PDCD1: variants seen among roughly 807,000 people sequenced by gnomAD.
PDCD1 encodes the protein programmed cell death protein 1.
In PDCD1, 10 loss-of-function variants were observed where a neutral mutation model predicts 23.6. The observed-to-expected ratio is 0.42, with a 90% CI of 0.26 to 0.72. PDCD1 has a LOEUF of 0.72. Among genes scored for constraint, PDCD1 ranks in the 30% least tolerant of loss-of-function variants. PDCD1 has a pLI of 0.24. For synonymous variants in PDCD1, 168 were observed against 169.3 expected (o/e 0.99, Z 0.06); for missense variants, 313 against 397.8 (o/e 0.79, Z 1.81).
intron 4 of PDCD1, 66 bp downstream of exon 4, chr2:241,851,883 C>T: frequency 6.7e-7 from 1 of 1,485,284 alleles, no homozygotes; most frequent in Non-Finnish European, 9.4e-7. Context: ...CCCAGCCTGT[C>T]CTTCCACCTC....
At chr2:241,855,703 C>T (rs1376618929) in intron 1 of PDCD1, among the ~76,000 whole-genome samples, 3 of 152,208 alleles carry the variant, frequency 2.0e-5, no homozygotes, top group African/African-American at 7.2e-5. Context: ...GCGGAGGAAC[C>T]TGCTGGCCCA....
chr2:241,851,841 TA>T, intron 4 of PDCD1, 107 bp downstream of exon 4: 1 of 1,099,712 alleles, frequency 9.1e-7, no homozygotes, highest in Non-Finnish European at 1.4e-6. Flanking sequence ...GTCCTGGCTA[TA>T]ATAGAATGTG....
In PDCD1 at chr2:241,852,866, A is replaced by C. The variant is rs142434414; in HGVS notation, c.191T>G (p.Val64Gly). 1 of 1,605,334 alleles carries C rather than the reference A, an allele frequency of 6.2e-7. No homozygotes were observed. Among genetic ancestry groups the C allele is most frequent in the African/African-American group, 1.3e-5 (1 of 74,896 alleles). ...CSFSNTSESFVLNWYRMSPSN... is the reference protein window; with the variant it reads ...CSFSNTSESFGLNWYRMSPSN... ...GGGGCTCATGCGGTACCAGTTTAGCACGAAGCTCTCCGATGTGTTGGAGAA... is the reference window on the plus strand; with the variant it reads ...GGGGCTCATGCGGTACCAGTTTAGCCCGAAGCTCTCCGATGTGTTGGAGAA... Residue 64 changes from valine to glycine, a missense_variant, in exon 2 of 5, where the codon GTG becomes GGG. By Grantham distance (109) the Val-to-Gly change is moderately radical. Transcript: ENST00000334409.
In PDCD1 at chr2:241,850,047, G is replaced by A. The variant is rs575792546; in HGVS notation, c.*1011C>T. 7 of 228,484 alleles carry A rather than the reference G, an allele frequency of 3.1e-5. No individual in the cohort carries two copies. The highest frequency in any genetic ancestry group is 1.7e-4 in the Admixed American group (3 of 17,618). 14.2% of individuals were successfully genotyped at this position (228,484 alleles called of 1,614,324 possible). On this transcript the variant is annotated 3_prime_UTR_variant, in exon 5 of 5. Coordinates refer to ENST00000334409, the MANE Select transcript of PDCD1 (RefSeq NM_005018.3). ...TGGATGTGAGGAGTGGATAGGCCAC[G>A]GCGGGGGTACTAGGCCCCGGGGGAA...
At position 241,852,250 on chromosome 2, in the gene PDCD1, G is replaced by T; in HGVS notation, c.540C>A (p.Ser180Arg). The change falls in exon 3 of 5, where the codon AGC becomes AGA. Residue 180 changes from serine to arginine, a missense_variant. Ser to Arg is a moderately radical substitution (Grantham distance 110). Transcript: ENST00000334409. Reference protein sequence around the residue: ...VVGVVGGLLGSLVLLVWVLAV... With the variant: ...VVGVVGGLLGRLVLLVWVLAV... ...CCAGGACCCAGACTAGCAGCACCAG[G>T]CTGCCCAGCAGGCCGCCCACGACAC... 1 of 1,611,306 alleles carries T rather than the reference G, an allele frequency of 6.2e-7. No homozygotes were observed. Among genetic ancestry groups the T allele is most frequent in the East Asian group, 2.2e-5 (1 of 44,810 alleles).
At chr2:241,854,912 G>A (rs1021114467) in intron 1 of PDCD1, among the ~76,000 whole-genome samples, 10 of 152,206 alleles carry the variant, frequency 6.6e-5, no homozygotes, top group African/African-American at 1.7e-4. Context: ...TGGCCGCTGT[G>A]TGTCCACACC....
chr2:241,850,722 AG>A lies in PDCD1; in HGVS notation c.*335del. 3 of 585,882 alleles carry A rather than the reference AG, an allele frequency of 5.1e-6. No individual in the cohort carries two copies. Among genetic ancestry groups the A allele is most frequent in the South Asian group, 1.6e-5 (1 of 63,472 alleles). The allele number at this position is 585,882 out of a possible 1,614,324, so 36.3% of individuals were successfully genotyped here. ...CACGGCGCCTTCAGCCCCGGGCCGC[AG>A]GCAGCAGCAGCAGCAGCAGCAGCAG... is the stretch of plus-strand genomic sequence containing the variant. On this transcript the variant is annotated 3_prime_UTR_variant, in exon 5 of 5. Coordinates refer to ENST00000334409, the MANE Select transcript of PDCD1 (RefSeq NM_005018.3).
chr2:241,854,961 C>T (rs2124865731), intron 1 of PDCD1, among the ~76,000 whole-genome samples: 1 of 152,346 alleles, frequency 6.6e-6, no homozygotes, highest in Non-Finnish European at 1.5e-5. Flanking sequence ...GTTCTTGTAA[C>T]TGGAAACTTA....
rs925595881 is a variant in PDCD1, at chr2:241,857,658, G to T, written c.76+1105C>A. On this transcript the variant is annotated intron_variant, in intron 1 of 4. Transcript: ENST00000334409. ...TAAGAGGTGGCGCTGAGGCAGGAAG[G>T]CACGGCCCTGACAAGGATGCTGCCT... is the stretch of plus-strand genomic sequence containing the variant. 2.0e-5 allele frequency among the ~76,000 whole-genome samples: 3 copies of T among 152,338 alleles called. No homozygotes were observed. The South Asian group carries it at 6.2e-4, about 32-fold the overall frequency.
At position 241,858,751 on chromosome 2, in the gene PDCD1, G is replaced by A. The variant is rs750507385; in HGVS notation, c.76+12C>T. ...CCTGGCTCTGGGACACCTGACCGCC[G>A]ACCCCACCTACCTAAGAACCATCCT... On this transcript the variant is annotated intron_variant, in intron 1 of 4. Coordinates refer to ENST00000334409, the MANE Select transcript of PDCD1 (RefSeq NM_005018.3). 7.0e-6 allele frequency: 11 copies of A among 1,580,714 alleles called. No homozygotes were observed. Among genetic ancestry groups the A allele is most frequent in the Admixed American group, 1.8e-5 (1 of 55,216 alleles).
chr2:241,858,697 G>C, intron 1 of PDCD1, 66 bp downstream of exon 1: 1 of 1,391,614 alleles, frequency 7.2e-7, no homozygotes, highest in Non-Finnish European at 1.0e-6. Context: ...GACCTGCCAG[G>C]GACTGAGGGT....
At chr2:241,854,670 A>G (rs1700975227) in intron 1 of PDCD1, among the ~76,000 whole-genome samples, 3 of 152,164 alleles carry the variant, frequency 2.0e-5, no homozygotes, top group Middle Eastern at 3.4e-3. Flanking sequence ...GAGCAGGGGA[A>G]ATGCCCTGCC....
Position 241,852,790 on chromosome 2 carries a change from G to C in PDCD1, c.267C>G (p.Pro89=), listed in dbSNP as rs769576749. ...LAAFPEDRSQ[P]GQDCRFRVTQ... The stretch of plus-strand genomic sequence containing the variant: ...TGACACGGAAGCGGCAGTCCTGGCC[G>C]GGCTGGCTGCGGTCCTCGGGGAAGG... Residue 89 remains proline (P), a synonymous_variant, in exon 2 of 5, where the codon CCC becomes CCG. Coordinates refer to ENST00000334409, the MANE Select transcript of PDCD1 (RefSeq NM_005018.3). 3.7e-6 allele frequency: 6 copies of C among 1,613,780 alleles called. No homozygotes were observed. The highest frequency in any genetic ancestry group is 3.4e-6 in the Non-Finnish European group (4 of 1,180,004).
chr2:241,851,166 A>G lies in PDCD1; in HGVS notation c.759T>C (p.Phe253=), dbSNP rs933937651. 1 of 1,613,332 alleles carries G rather than the reference A, an allele frequency of 6.2e-7. No homozygotes were observed. Among genetic ancestry groups the G allele is most frequent in the Non-Finnish European group, 8.5e-7 (1 of 1,179,938 alleles). ...PEQTEYATIV[F]PSGMGTSSPA... ...GGGATGAGGTGCCCATTCCGCTAGG[A>G]AAGACAATGGTGGCATACTCCGTCT... Residue 253 remains phenylalanine, a synonymous_variant, in exon 5 of 5, where the codon TTT becomes TTC. Coordinates refer to ENST00000334409, the MANE Select transcript of PDCD1 (RefSeq NM_005018.3).
Position 241,851,263 on chromosome 2 carries a change from A to G in PDCD1, c.662T>C (p.Val221Ala), listed in dbSNP as rs747849996. 1.2e-6 allele frequency: 2 copies of G among 1,613,544 alleles called. No individual in the cohort carries two copies. Among genetic ancestry groups the G allele is most frequent in the African/African-American group, 1.3e-5 (1 of 74,916 alleles). ...EDPSAVPVFSVDYGELDFQWR... is the reference protein window; with the variant it reads ...EDPSAVPVFSADYGELDFQWR... ...CTGGAAATCCAGCTCCCCATAGTCC[A>G]CAGAGAACACAGGCACGGCTGAGGG... is the stretch of plus-strand genomic sequence containing the variant. The change falls in exon 5 of 5, where the codon GTG (valine) becomes GCG (alanine). Residue 221 changes from valine (V) to alanine (A), a missense_variant. Around this residue, in one of 3 missense-constraint regions of PDCD1, gnomAD observed 158 missense variants for 177.5 expected, o/e 0.89. Transcript: ENST00000334409.
At position 241,851,224 on chromosome 2, in the gene PDCD1, G is replaced by T; in HGVS notation, c.701C>A (p.Thr234Asn). The T allele has an allele frequency of 6.2e-7, 1 of 1,613,828 alleles. No individual in the cohort carries two copies. Among genetic ancestry groups the T allele is most frequent in the Non-Finnish European group, 8.5e-7 (1 of 1,179,942 alleles). The change falls in exon 5 of 5, where the codon ACC becomes AAC. Residue 234 changes from threonine (T) to asparagine (N), a missense_variant. Around this residue, in one of 3 missense-constraint regions of PDCD1, gnomAD observed 158 missense variants for 177.5 expected, o/e 0.89. Transcript: ENST00000334409. ...GACACAGGGCACGGGGGGCTCCGGGGTCTTCTCTCGCCACTGGAAATCCAG... is the reference window on the plus strand; with the variant it reads ...GACACAGGGCACGGGGGGCTCCGGGTTCTTCTCTCGCCACTGGAAATCCAG... Reference protein sequence around the residue: ...GELDFQWREKTPEPPVPCVPE... With the variant: ...GELDFQWREKNPEPPVPCVPE...
intron 1 of PDCD1, among the ~76,000 whole-genome samples, chr2:241,856,317 C>T (rs1701026412): frequency 6.6e-6 from 1 of 152,230 alleles, no homozygotes; most frequent in African/African-American, 2.4e-5. Flanking sequence ...ACGTCCAGCC[C>T]TCAGTCGGCG....
At position 241,852,896 on chromosome 2, in the gene PDCD1, C is replaced by G. The variant is rs2124861232; in HGVS notation, c.161G>C (p.Cys54Ser). The G allele has an allele frequency of 6.2e-7, 1 of 1,600,130 alleles. No homozygotes were observed. The highest frequency in any genetic ancestry group is 2.2e-5 in the East Asian group (1 of 44,786). The change falls in exon 2 of 5, where the codon TGC becomes TCC. Residue 54 changes from cysteine to serine, a missense_variant. Physicochemically the swap from Cys to Ser is moderately radical, Grantham distance 112. This residue lies in a region of PDCD1 where 135 missense variants were observed against 166.9 expected (regional missense o/e 0.81). Coordinates refer to ENST00000334409, the MANE Select transcript of PDCD1 (RefSeq NM_005018.3). ...VTEGDNATFTCSFSNTSESFV... is the reference protein window; with the variant it reads ...VTEGDNATFTSSFSNTSESFV... ...GCTCTCCGATGTGTTGGAGAAGCTG[C>G]AGGTGAAGGTGGCGTTGTCCCCTTC...
In PDCD1 at chr2:241,852,224, G is replaced by A. The variant is rs1199002540; in HGVS notation, c.566C>T (p.Ala189Val). Reference sequence around the variant, plus strand: ...TCGTGCGGCCCGGGAGCAGATGACGGCCAGGACCCAGACTAGCAGCACCAG... The same window carrying A: ...TCGTGCGGCCCGGGAGCAGATGACGACCAGGACCCAGACTAGCAGCACCAG... Reference protein sequence around the residue: ...GSLVLLVWVLAVICSRAARGT... With the variant: ...GSLVLLVWVLVVICSRAARGT... The change falls in exon 3 of 5, where the codon GCC (alanine) becomes GTC (valine). Residue 189 changes from alanine to valine, a missense_variant. Physicochemically the swap from Ala to Val is moderately conservative, Grantham distance 64. Around this residue, in one of 3 missense-constraint regions of PDCD1, gnomAD observed 158 missense variants for 177.5 expected, o/e 0.89. Coordinates refer to ENST00000334409, the MANE Select transcript of PDCD1 (RefSeq NM_005018.3). The A allele has an allele frequency of 1.2e-6, 2 of 1,610,500 alleles. No homozygotes were observed. The highest frequency in any genetic ancestry group is 1.7e-6 in the Non-Finnish European group (2 of 1,179,322).
Sources: gnomAD v4.1 joint callset for allele counts (sites outside exome capture counted in the v4.1 genomes callset) on GRCh38, gnomAD v4.1.1 for gene constraint, gnomAD v4.1.1 regional missense constraint, MANE v1.5 for transcripts, NCBI Gene and HGNC (gene_info 2026-07-23, HGNC 2026-07-21) for gene names.